The following RUNX1 variants were observed in gnomAD, a reference collection of about 807,000 sequenced individuals.
RUNX1 encodes runt-related transcription factor 1.
Under a neutral mutation model 42.8 loss-of-function variants are expected in RUNX1, and 19 were observed. That is an observed-to-expected ratio of 0.44 (90% CI 0.31 to 0.65). The LOEUF is 0.65. Among genes scored for constraint, RUNX1 ranks in the 30% least tolerant of loss-of-function variants. The pLI is 0.07. For synonymous variants in RUNX1, 271 were observed against 289.4 expected (o/e 0.94, Z 0.64); for missense variants, 528 against 672.0 (o/e 0.79, Z 2.37).
chr21:34,799,435 G>T lies in RUNX1; in HGVS notation c.833C>A (p.Pro278Gln), dbSNP rs759227406. The change falls in exon 8 of 9, where the codon CCG becomes CAG. Residue 278 changes from proline (P) to glutamine (Q), a missense_variant. Around this residue, in one of 3 missense-constraint regions of RUNX1, gnomAD observed 331 missense variants for 382.5 expected, o/e 0.87. Coordinates refer to ENST00000675419, the MANE Select transcript of RUNX1 (RefSeq NM_001754.5). ...TTGGTAGGACTGATCGTAGGACCAC[G>T]GTGGGGATGGTTGGATCTGCCTTGT... ...QDTRQIQPSPPWSYDQSYQYL... is the reference protein window; with the variant it reads ...QDTRQIQPSPQWSYDQSYQYL... The T allele has an allele frequency of 6.2e-7, 1 of 1,614,026 alleles. No homozygotes were observed.
At chr21:34,976,053 T>C (rs998156461) in intron 2 of RUNX1, among the ~76,000 whole-genome samples, 1 of 151,750 alleles carries the variant, frequency 6.6e-6, no homozygotes, top group Admixed American at 6.6e-5. Flanking sequence ...AAAGCCAGAG[T>C]TTAACTCTGA....
Position 34,994,498 on chromosome 21 carries a change from T to C in RUNX1, c.58+54344A>G, listed in dbSNP as rs577382288. Among the ~76,000 whole-genome samples, 6 of 152,192 alleles carry C rather than the reference T, an allele frequency of 3.9e-5. No individual in the cohort carries two copies. In the South Asian group the frequency reaches 8.3e-4, roughly 21 times the overall value. On this transcript the variant is annotated intron_variant, in intron 2 of 8. Coordinates refer to ENST00000675419, the MANE Select transcript of RUNX1 (RefSeq NM_001754.5). ...GTGATTATTGTATATTGCATGCCTA[T>C]ATCAAAACATCTCATGTACCCCATA... is the stretch of plus-strand genomic sequence containing the variant.
At chr21:34,831,395 T>G (rs2146053800) in intron 7 of RUNX1, among the ~76,000 whole-genome samples, 1 of 152,328 alleles carries the variant, frequency 6.6e-6, no homozygotes, top group South Asian at 2.1e-4. Context: ...GATGTCTATT[T>G]TGAGTGACCC....
At chr21:35,041,243 TTC>T (rs1198612459) in intron 2 of RUNX1, among the ~76,000 whole-genome samples, 1 of 152,250 alleles carries the variant, frequency 6.6e-6, no homozygotes, top group Non-Finnish European at 1.5e-5. Context: ...AGCTGCATAG[TTC>T]TCTCTCCCAA....
intron 7 of RUNX1, among the ~76,000 whole-genome samples, chr21:34,824,953 A>C (rs530390791): frequency 8.5e-5 from 13 of 152,334 alleles, no homozygotes; most frequent in South Asian, 2.1e-4. Context: ...ATATTAGCAT[A>C]TATTGTTTGT....
At chr21:34,909,691 C>CG (rs1391999295) in intron 2 of RUNX1, among the ~76,000 whole-genome samples, 3 of 151,816 alleles carry the variant, frequency 2.0e-5, no homozygotes, top group African/African-American at 2.4e-5. Context: ...GCAAGTCCCC[C>CG]GGGTCTCTGG....
At chr21:34,960,309 C>T (rs2058673556) in intron 2 of RUNX1, among the ~76,000 whole-genome samples, 1 of 152,166 alleles carries the variant, frequency 6.6e-6, no homozygotes, top group African/African-American at 2.4e-5. Context: ...GACCAGTGGA[C>T]TATGAACAGA....
rs1429953108 is a variant in RUNX1 at position 34,859,528 on chromosome 21, C to T, written c.559G>A (p.Ala187Thr). 3.7e-6 allele frequency: 6 copies of T among 1,614,084 alleles called. No homozygotes were observed. Among genetic ancestry groups the T allele is most frequent in the South Asian group, 1.1e-5 (1 of 91,070 alleles). ...ATTTTGATGGCTCTGTGGTAGGTGG[C>T]GACTTGCGGTGGGTTTGTGAAGACA... Reference protein sequence around the residue: ...ITVFTNPPQVATYHRAIKITV... With the variant: ...ITVFTNPPQVTTYHRAIKITV... Residue 187 changes from alanine (A) to threonine (T), a missense_variant, in exon 6 of 9, where the codon GCC (alanine) becomes ACC (threonine). Ala to Thr is a moderately conservative substitution (Grantham distance 58). Coordinates refer to ENST00000675419, the MANE Select transcript of RUNX1 (RefSeq NM_001754.5).
At chr21:35,039,728 T>G (rs2059343865) in intron 2 of RUNX1, among the ~76,000 whole-genome samples, 1 of 152,258 alleles carries the variant, frequency 6.6e-6, no homozygotes, top group African/African-American at 2.4e-5. Flanking sequence ...ATGGAATGAT[T>G]GACAGTTGGA....
chr21:34,966,880 G>A (rs1034847786), intron 2 of RUNX1, among the ~76,000 whole-genome samples: 2 of 152,016 alleles, frequency 1.3e-5, no homozygotes, highest in African/African-American at 2.4e-5. Context: ...GCTGTAAATC[G>A]TTCTCTTCAT....
intron 2 of RUNX1, among the ~76,000 whole-genome samples, chr21:34,963,402 G>A (rs755962362): frequency 9.2e-5 from 14 of 152,304 alleles, no homozygotes; most frequent in Admixed American, 3.3e-4. Context: ...TTGCTGCTAC[G>A]TGAGGATGAA....
At chr21:34,960,414 C>T (rs1398606833) in intron 2 of RUNX1, among the ~76,000 whole-genome samples, 3 of 152,250 alleles carry the variant, frequency 2.0e-5, no homozygotes, top group South Asian at 2.1e-4. Flanking sequence ...CAACATGACA[C>T]GTTTGGGAGA....
chr21:34,939,054 A>C (rs898278999), intron 2 of RUNX1, among the ~76,000 whole-genome samples: 1 of 152,202 alleles, frequency 6.6e-6, no homozygotes, highest in African/African-American at 2.4e-5. Flanking sequence ...TGTATAAATA[A>C]ATCAGATGAC....
intron 6 of RUNX1, among the ~76,000 whole-genome samples, chr21:34,844,474 G>T (rs1024947723): frequency 6.6e-6 from 1 of 152,194 alleles, no homozygotes; most frequent in Admixed American, 6.5e-5. Flanking sequence ...CGCAGCAGCA[G>T]ATCTCATACA....
chr21:35,020,329 G>T (rs981372487), intron 2 of RUNX1, among the ~76,000 whole-genome samples: 1 of 151,952 alleles, frequency 6.6e-6, no homozygotes, highest in African/African-American at 2.4e-5. Context: ...ATGAATCCTG[G>T]GCTGCTGTGA....
chr21:34,816,915 G>T (rs1265859403), intron 7 of RUNX1, among the ~76,000 whole-genome samples: 1 of 152,164 alleles, frequency 6.6e-6, no homozygotes, highest in Admixed American at 6.5e-5. Flanking sequence ...AACAAGGCAG[G>T]GAGGCATGGC....
rs1450903462 is a variant in RUNX1 at position 34,918,304 on chromosome 21, T to C, written c.59-25341A>G. Among the ~76,000 whole-genome samples the C allele has an allele frequency of 3.3e-5, 5 of 152,108 alleles. No individual in the cohort carries two copies. The East Asian group carries it at 9.7e-4, about 30-fold the overall frequency. On this transcript the variant is annotated intron_variant, in intron 2 of 8. Transcript: ENST00000675419. ...CAATATTCTCACCTTGAAAACCTCT[T>C]GGGGAGACTTCTCAACATAGGTTTG...
intron 2 of RUNX1, among the ~76,000 whole-genome samples, chr21:35,043,837 A>G (rs1016461699): frequency 2.0e-5 from 3 of 152,206 alleles, no homozygotes; most frequent in South Asian, 2.1e-4. Flanking sequence ...GACAAAGTAC[A>G]TGATTACAAA....
intron 2 of RUNX1, among the ~76,000 whole-genome samples, chr21:35,031,010 A>C (rs1327288359): frequency 6.6e-6 from 1 of 152,236 alleles, no homozygotes; most frequent in Non-Finnish European, 1.5e-5. Context: ...AATTAAAACC[A>C]CAGTGAGCTA....
Sources: gnomAD v4.1 joint callset for allele counts (sites outside exome capture counted in the v4.1 genomes callset) on GRCh38, gnomAD v4.1.1 for gene constraint, gnomAD v4.1.1 regional missense constraint, MANE v1.5 for transcripts, NCBI Gene and HGNC (gene_info 2026-07-23, HGNC 2026-07-21) for gene names.